Variants in CCBE1 observed in about 807,000 individuals in gnomAD.
CCBE1 encodes the protein collagen and calcium binding EGF domains 1.
A neutral mutation model predicts 50.0 loss-of-function variants in CCBE1; 37 were observed. The observed-to-expected ratio is 0.74, with a 90% CI of 0.57 to 0.97. The LOEUF (loss-of-function observed/expected upper bound fraction) is 0.97, where lower values mean the gene tolerates loss of function less well. Among genes scored for constraint, CCBE1 ranks in the 50% least tolerant of loss-of-function variants. The probability of loss-of-function intolerance (pLI) is 0.00; values close to 1 mark genes in which losing one functional copy is unlikely to be tolerated. For synonymous variants in CCBE1, 234 were observed against 203.7 expected, an observed-to-expected ratio of 1.15 and a Z score of -1.27; for missense variants, 538 against 523.8, an observed-to-expected ratio of 1.03 and a Z score of -0.26.
intron 2 of CCBE1, among the ~76,000 whole-genome samples, chr18:59,658,417 A>G (rs1402340037): frequency 5.0e-5 from 4 of 80,368 alleles, no homozygotes; most frequent in Non-Finnish European, 9.1e-5. Context: ...ATATATATAT[A>G]AAGTTAGCTA....
At chr18:59,439,926 C>T in intron 7 of CCBE1, 110 bp from the exon 8 acceptor site, 2 of 1,198,904 alleles carry the variant, frequency 1.7e-6, no homozygotes, top group Non-Finnish European at 2.3e-6. Context: ...CTCTCTCTGC[C>T]TTTGCCTTCT....
rs2053420067 is a variant in CCBE1, at chr18:59,600,958, A to G, written c.212+95671T>C. 2.1e-5 allele frequency among the ~76,000 whole-genome samples: 3 copies of G among 145,040 alleles called. No individual in the cohort carries two copies. In the South Asian group the frequency reaches 7.0e-4, roughly 34 times the overall value. ...ATTTCCCTTGCTTTCAGAGGGAAGA[A>G]GGGGCCCATTCTGTACTATGGATAG... On this transcript the variant is annotated intron_variant, in intron 2 of 10. Coordinates refer to ENST00000439986, the MANE Select transcript of CCBE1 (RefSeq NM_133459.4).
chr18:59,463,390 G>C (rs1034282543), intron 5 of CCBE1, among the ~76,000 whole-genome samples: 1 of 152,178 alleles, frequency 6.6e-6, no homozygotes, highest in Non-Finnish European at 1.5e-5. Flanking sequence ...ACCACACCCA[G>C]CTAACTTTTT....
intron 2 of CCBE1, among the ~76,000 whole-genome samples, chr18:59,682,892 G>A (rs972097600): frequency 2.0e-5 from 3 of 152,162 alleles, no homozygotes; most frequent in African/African-American, 7.2e-5. Flanking sequence ...GTCTTAAAAA[G>A]AGAATGTCCA....
chr18:59,585,747 T>C (rs575398254), intron 2 of CCBE1, among the ~76,000 whole-genome samples: 1 of 152,360 alleles, frequency 6.6e-6, no homozygotes, highest in East Asian at 1.9e-4. Context: ...GTGTGCATCA[T>C]AGCCATACAT....
At chr18:59,529,273 CTGTGG>C (rs1028891456) in intron 2 of CCBE1, among the ~76,000 whole-genome samples, 1 of 152,212 alleles carries the variant, frequency 6.6e-6, no homozygotes, top group Non-Finnish European at 1.5e-5. Context: ...CTGTGCTGTG[CTGTGG>C]GGAATTCCTC....
chr18:59,561,475 T>C (rs73961245), intron 2 of CCBE1, among the ~76,000 whole-genome samples: 5,658 of 152,262 alleles, frequency 0.037, 322 homozygotes, highest in African/African-American at 0.12. Context: ...AGTGACTCAG[T>C]GAGTTTAGAG....
Position 59,575,918 on chromosome 18 carries a change from A to G in CCBE1, c.213-95680T>C, listed in dbSNP as rs2052988283. Reference sequence around the variant, plus strand: ...ACTACCATCACAATGTAGATACAGAACATCACCCTAATCCCACATGTCCCT... The same window carrying G: ...ACTACCATCACAATGTAGATACAGAGCATCACCCTAATCCCACATGTCCCT... On this transcript the variant is annotated intron_variant, in intron 2 of 10. Coordinates refer to ENST00000439986, the MANE Select transcript of CCBE1 (RefSeq NM_133459.4). 3.9e-5 allele frequency among the ~76,000 whole-genome samples: 6 copies of G among 152,216 alleles called. No individual in the cohort carries two copies. In the South Asian group the frequency reaches 1.2e-3, roughly 32 times the overall value.
intron 3 of CCBE1, among the ~76,000 whole-genome samples, chr18:59,478,349 T>C (rs1010445276): frequency 2.0e-5 from 3 of 152,244 alleles, no homozygotes; most frequent in African/African-American, 7.2e-5. Flanking sequence ...TTTTCTGAAA[T>C]ACTGCATTTG....
At chr18:59,493,215 G>A (rs1443670074) in intron 2 of CCBE1, among the ~76,000 whole-genome samples, 1 of 152,178 alleles carries the variant, frequency 6.6e-6, no homozygotes, top group Non-Finnish European at 1.5e-5. Flanking sequence ...TCTTTCTTAG[G>A]TTAATAAATC....
At chr18:59,584,407 G>A (rs1447256024) in intron 2 of CCBE1, among the ~76,000 whole-genome samples, 6 of 151,178 alleles carry the variant, frequency 4.0e-5, no homozygotes, top group Admixed American at 6.6e-5. Flanking sequence ...GCTAAATGAC[G>A]AGTTAATGGG....
intron 2 of CCBE1, among the ~76,000 whole-genome samples, chr18:59,619,433 C>T (rs1030423608): frequency 6.6e-6 from 1 of 152,222 alleles, no homozygotes; most frequent in Non-Finnish European, 1.5e-5. Flanking sequence ...GTTGTCCTGC[C>T]TCAGCCTCCC....
chr18:59,606,055 G>T lies in CCBE1; in HGVS notation c.212+90574C>A, dbSNP rs12608080. Among the ~76,000 whole-genome samples, 617 of 152,270 alleles carry T rather than the reference G, an allele frequency of 4.1e-3. 11 individuals carry two copies. The highest frequency in any genetic ancestry group is 0.037 in the East Asian group (193 of 5,178). On this transcript the variant is annotated intron_variant, in intron 2 of 10. Transcript: ENST00000439986. ...GATCTCAACGCCTATGGTGCTTTGCGATTCAACTCCCATTTACCCCAAAGT... is the reference window on the plus strand; with the variant it reads ...GATCTCAACGCCTATGGTGCTTTGCTATTCAACTCCCATTTACCCCAAAGT...
At chr18:59,589,790 C>CAAAAAAAAAAAAAAAA (rs752546235) in intron 2 of CCBE1, among the ~76,000 whole-genome samples, 18 of 73,056 alleles carry the variant, frequency 2.5e-4, no homozygotes, top group Non-Finnish European at 3.2e-4. Context: ...GACTCCATCT[C>CAAAAAAAAAAAAAAAA]AAAAAAAAAA....
At position 59,469,325 on chromosome 18, in the gene CCBE1, G is replaced by A. The variant is rs1911909034; in HGVS notation, c.400+148C>T. 10 of 1,121,308 alleles carry A rather than the reference G, an allele frequency of 8.9e-6. No individual in the cohort carries two copies. The South Asian group carries it at 1.0e-4, about 11-fold the overall frequency. 69.5% of individuals were successfully genotyped at this position (1,121,308 alleles called of 1,614,324 possible). ...GGGCCTAATTGGTTTTAGTAATTGTGATGAAGGGCAGTGATAAGCTATCCC... is the reference window on the plus strand; with the variant it reads ...GGGCCTAATTGGTTTTAGTAATTGTAATGAAGGGCAGTGATAAGCTATCCC... On this transcript the variant is annotated intron_variant, in intron 4 of 10. Transcript: ENST00000439986.
At chr18:59,447,933 C>T (rs1910755497) in intron 7 of CCBE1, 50 bp downstream of exon 7, 3 of 1,612,444 alleles carry the variant, frequency 1.9e-6, no homozygotes, top group African/African-American at 1.3e-5. Context: ...GAGCTTTTGG[C>T]AGGCTTTTTC....
chr18:59,546,140 C>G (rs1915673377), intron 2 of CCBE1, among the ~76,000 whole-genome samples: 2 of 152,216 alleles, frequency 1.3e-5, no homozygotes, highest in African/African-American at 4.8e-5. Flanking sequence ...AAGCTTAACA[C>G]TAGATATGAA....
At chr18:59,482,858 A>T (rs1027391191) in intron 2 of CCBE1, among the ~76,000 whole-genome samples, 2 of 115,918 alleles carry the variant, frequency 1.7e-5, no homozygotes, top group East Asian at 4.5e-4. Flanking sequence ...ACCCCAAGAT[A>T]TTTTGACTAT....
intron 2 of CCBE1, among the ~76,000 whole-genome samples, chr18:59,516,240 G>T (rs11152157): frequency 0.26 from 38,918 of 148,238 alleles, 5,885 homozygotes; most frequent in Middle Eastern, 0.4. Flanking sequence ...ATTACAGTTT[G>T]TTTTTTTTTT....
Sources: gnomAD v4.1 joint callset for allele counts (sites outside exome capture counted in the v4.1 genomes callset) on GRCh38, gnomAD v4.1.1 for gene constraint, MANE v1.5 for transcripts, NCBI Gene and HGNC (gene_info 2026-07-23, HGNC 2026-07-21) for gene names.